LTBP1: variants seen among roughly 807,000 people sequenced by gnomAD.
The protein encoded by LTBP1 is latent transforming growth factor beta binding protein 1.
LTBP1 carries 129 observed loss-of-function variants against 207.6 expected under a neutral mutation model. The ratio of observed to expected loss-of-function variants is 0.62; its 90% CI spans 0.54 to 0.72. LTBP1 has a LOEUF of 0.72. Among genes scored for constraint, LTBP1 ranks in the 30% least tolerant of loss-of-function variants. The pLI is 0.00. For synonymous variants in LTBP1, 963 were observed against 833.7 expected (o/e 1.16, Z -2.67); for missense variants, 2,281 against 2,217.2 (o/e 1.03, Z -0.58).
At chr2:33,122,450 G>T (rs2081191580) in intron 4 of LTBP1, among the ~76,000 whole-genome samples, 1 of 152,182 alleles carries the variant, frequency 6.6e-6, no homozygotes, top group South Asian at 2.1e-4. Context: ...AAGCGGGTGG[G>T]CAGTTGACTC....
At chr2:33,220,884 A>C (rs2091059253) in intron 8 of LTBP1, among the ~76,000 whole-genome samples, 1 of 152,224 alleles carries the variant, frequency 6.6e-6, no homozygotes, top group Admixed American at 6.5e-5. Flanking sequence ...AGAGAGGGGA[A>C]ATACAGCAAA....
At chr2:33,214,753 C>T (rs894801039) in intron 7 of LTBP1, among the ~76,000 whole-genome samples, 22 of 152,050 alleles carry the variant, frequency 1.4e-4, no homozygotes, top group African/African-American at 3.6e-4. Context: ...ATGCGTGTCA[C>T]GTGTCTGCAG....
intron 2 of LTBP1, among the ~76,000 whole-genome samples, chr2:32,957,491 G>C (rs1435834532): frequency 6.6e-6 from 1 of 152,122 alleles, no homozygotes. Flanking sequence ...CTGGTCGGTG[G>C]AGCAGTCAGA....
At chr2:33,284,805 T>C (rs2093631110) in intron 19 of LTBP1, among the ~76,000 whole-genome samples, 1 of 152,216 alleles carries the variant, frequency 6.6e-6, no homozygotes, top group Non-Finnish European at 1.5e-5. Context: ...CTCTGAAGCT[T>C]AGTTTTATTA....
At chr2:33,124,614 T>C (rs947431951) in intron 4 of LTBP1, among the ~76,000 whole-genome samples, 2 of 152,210 alleles carry the variant, frequency 1.3e-5, no homozygotes, top group Admixed American at 1.3e-4. Flanking sequence ...GCAAACATCT[T>C]AAGATGAGAA....
At chr2:33,181,333 C>G (rs2086613275) in intron 5 of LTBP1, among the ~76,000 whole-genome samples, 1 of 152,202 alleles carries the variant, frequency 6.6e-6, no homozygotes, top group Non-Finnish European at 1.5e-5. Context: ...GGTTCCAATT[C>G]GTGGCACAGA....
At chr2:33,132,825 C>T (rs1005304688) in intron 4 of LTBP1, among the ~76,000 whole-genome samples, 1 of 152,150 alleles carries the variant, frequency 6.6e-6, no homozygotes, top group Non-Finnish European at 1.5e-5. Flanking sequence ...GGTTCAAGTC[C>T]TAATTTTAGC....
intron 2 of LTBP1, among the ~76,000 whole-genome samples, chr2:32,965,544 C>T (rs947814487): frequency 1.3e-5 from 2 of 152,180 alleles, no homozygotes; most frequent in African/African-American, 2.4e-5. Context: ...AGTTTTGCCT[C>T]TTCCAGAATG....
intron 12 of LTBP1, among the ~76,000 whole-genome samples, chr2:33,258,300 C>T (rs923401201): frequency 7.9e-5 from 12 of 152,292 alleles, no homozygotes; most frequent in African/African-American, 7.2e-5. Flanking sequence ...ATGGAATAGA[C>T]GTATTTTCTC....
At chr2:33,029,030 CAG>C (rs1460761411) in intron 3 of LTBP1, among the ~76,000 whole-genome samples, 7 of 152,136 alleles carry the variant, frequency 4.6e-5, no homozygotes, top group African/African-American at 1.4e-4. Context: ...AGAAAGCAAA[CAG>C]GGACATTCAG....
intron 5 of LTBP1, among the ~76,000 whole-genome samples, chr2:33,138,323 A>G (rs1345444252): frequency 1.3e-5 from 2 of 152,238 alleles, no homozygotes; most frequent in Non-Finnish European, 2.9e-5. Flanking sequence ...TGAATATGGT[A>G]TCCAAAGGAA....
Position 33,047,224 on chromosome 2 carries a change from C to G in LTBP1, c.863+26018C>G, listed in dbSNP as rs1192973180. On this transcript the variant is annotated intron_variant, in intron 3 of 33. Coordinates refer to ENST00000404816, the MANE Select transcript of LTBP1 (RefSeq NM_206943.4). ...TGATGTTAGGGTGTTGATTTTAGAT[C>G]TTTCCTGCTTTCTCTTGTGGGCATT... is the stretch of plus-strand genomic sequence containing the variant. Among the ~76,000 whole-genome samples the G allele has an allele frequency of 2.6e-5, 4 of 152,144 alleles. No individual in the cohort carries two copies. In the South Asian group the frequency reaches 8.3e-4, roughly 32 times the overall value.
At chr2:33,221,331 A>C (rs774502212) in intron 8 of LTBP1, among the ~76,000 whole-genome samples, 4 of 152,198 alleles carry the variant, frequency 2.6e-5, no homozygotes, top group Non-Finnish European at 5.9e-5. Context: ...GGTCACAGCT[A>C]TTGATAGGAA....
intron 5 of LTBP1, among the ~76,000 whole-genome samples, chr2:33,140,005 C>A (rs974898952): frequency 6.6e-6 from 1 of 152,196 alleles, no homozygotes; most frequent in African/African-American, 2.4e-5. Flanking sequence ...GAGAGAAGTG[C>A]TTTCAGTTTT....
intron 2 of LTBP1, among the ~76,000 whole-genome samples, chr2:32,963,034 C>G (rs947140496): frequency 2.0e-5 from 3 of 152,056 alleles, no homozygotes; most frequent in African/African-American, 7.3e-5. Context: ...GAAATCAGCT[C>G]TTTTGGGCTC....
At chr2:33,328,951 T>G (rs112128872) in intron 24 of LTBP1, among the ~76,000 whole-genome samples, 1,808 of 152,310 alleles carry the variant, frequency 0.012, 31 homozygotes, top group African/African-American at 0.042. Context: ...ATGCTTCCTA[T>G]GTGAGGCTGT....
intron 3 of LTBP1, among the ~76,000 whole-genome samples, chr2:33,070,138 C>T (rs2077717740): frequency 6.6e-6 from 1 of 152,378 alleles, no homozygotes; most frequent in Non-Finnish European, 1.5e-5. Flanking sequence ...CCTGGCAACA[C>T]ACTTTTTGGA....
intron 2 of LTBP1, among the ~76,000 whole-genome samples, chr2:33,003,277 A>AT (rs1348782119): frequency 6.6e-6 from 1 of 152,200 alleles, no homozygotes; most frequent in African/African-American, 2.4e-5. Context: ...TGCAAGAGTA[A>AT]TTTTGACTGT....
intron 13 of LTBP1, among the ~76,000 whole-genome samples, chr2:33,260,099 AC>A (rs1244876590): frequency 6.6e-6 from 1 of 152,194 alleles, no homozygotes; most frequent in Non-Finnish European, 1.5e-5. Context: ...ACAATCAAAT[AC>A]TAGAATGTTG....
Sources: allele counts gnomAD v4.1 joint callset (sites outside exome capture counted in the v4.1 genomes callset), GRCh38; gene constraint gnomAD v4.1.1; transcripts MANE v1.5; gene names NCBI Gene and HGNC (gene_info 2026-07-23, HGNC 2026-07-21).